Variants in TEN1 observed in about 807,000 individuals in gnomAD.
TEN1 encodes the protein TEN1 subunit of CST complex.
TEN1 carries 6 observed loss-of-function variants against 9.3 expected under a neutral mutation model. The ratio of observed to expected loss-of-function variants is 0.65; its 90% confidence interval spans 0.35 to 1.27. The LOEUF (loss-of-function observed/expected upper bound fraction) is 1.27, where lower values mean the gene tolerates loss of function less well. TEN1 is among the 50% of genes most tolerant of loss of function. TEN1 has a pLI of 0.03. For missense variants in TEN1, 149 were observed against 158.2 expected (o/e 0.94, Z 0.31); for synonymous variants, 65 against 65.6 (o/e 0.99, Z 0.04).
At chr17:75,991,889 G>C (rs2066187966) in intron 3 of TEN1, among the ~76,000 whole-genome samples, 1 of 151,894 alleles carries the variant, frequency 6.6e-6, no homozygotes, top group African/African-American at 2.4e-5. Context: ...CCTACTAAAA[G>C]TACAAAACTT....
intron 3 of TEN1, among the ~76,000 whole-genome samples, chr17:75,997,932 G>A (rs2066227094): frequency 6.6e-6 from 1 of 151,136 alleles, no homozygotes; most frequent in South Asian, 2.1e-4. Flanking sequence ...TCTGCTTACT[G>A]CAACCTCTGC....
chr17:75,993,394 C>T (rs1469314832), intron 3 of TEN1, among the ~76,000 whole-genome samples: 1 of 152,068 alleles, frequency 6.6e-6, no homozygotes, highest in Non-Finnish European at 1.5e-5. Context: ...TGAGCTACCG[C>T]GCCTGGCCTG....
chr17:75,991,497 G>C lies in TEN1; in HGVS notation c.124G>C (p.Val42Leu), dbSNP rs1481928740. 1.1e-5 allele frequency: 17 copies of C among 1,552,228 alleles called. No individual in the cohort carries two copies. The East Asian group carries it at 3.4e-4, about 31-fold the overall frequency. ...CCTCTATGACATGATTCAGTCCAGA[G>C]TAACACTGATGGCTCAGCACGGATC... The part of the protein sequence containing the change: ...LCLYDMIQSR[V>L]TLMAQHGSDQ... The change falls in exon 3 of 4, where the codon GTA becomes CTA. Residue 42 changes from valine (V) to leucine (L), a missense_variant. Val to Leu is a conservative substitution (Grantham distance 32). Coordinates refer to ENST00000397640, the MANE Select transcript of TEN1 (RefSeq NM_001113324.3).
rs563337383 is a variant in TEN1 at position 75,989,804 on chromosome 17, G to A, written c.93-1662G>A. 5.3e-5 allele frequency among the ~76,000 whole-genome samples: 8 copies of A among 151,142 alleles called. No homozygotes were observed. In the South Asian group the frequency reaches 1.3e-3, roughly 24 times the overall value. On this transcript the variant is annotated intron_variant, in intron 2 of 3. Transcript: ENST00000397640. ...AACTACTGGATATTGACACTGTGTC[G>A]CCCAGGCTGAAGTGCAAGTGACATG... is the stretch of plus-strand genomic sequence containing the variant.
Position 75,986,260 on chromosome 17 carries a change from G to A in TEN1, c.68G>A (p.Gly23Glu), listed in dbSNP as rs964588646. 3.9e-6 allele frequency: 6 copies of A among 1,548,946 alleles called. No homozygotes were observed. In the African/African-American group the frequency reaches 8.2e-5, roughly 21 times the overall value. The change falls in exon 2 of 4, where the codon GGG (glycine) becomes GAG (glutamate). Residue 23 changes from glycine (G) to glutamate (E), a missense_variant. Gly to Glu is a moderately conservative substitution (Grantham distance 98). Coordinates refer to ENST00000397640, the MANE Select transcript of TEN1 (RefSeq NM_001113324.3). Reference sequence around the variant, plus strand: ...GTTAGTGCAGGCCAAGTTCCTGATGGGAGCACGCTGAGAACATTTGGCAGG... The same window carrying A: ...GTTAGTGCAGGCCAAGTTCCTGATGAGAGCACGCTGAGAACATTTGGCAGG... ...WEVSAGQVPD[G>E]STLRTFGRLC...
intron 2 of TEN1, among the ~76,000 whole-genome samples, chr17:75,990,423 T>C (rs1337689294): frequency 6.6e-6 from 1 of 151,924 alleles, no homozygotes. Context: ...CACTGTGTCA[T>C]AGATTACAAG....
rs17881655 is a variant in TEN1, at chr17:76,000,354, G to A, written c.*92G>A. 3,203 of 1,447,968 alleles carry A rather than the reference G, an allele frequency of 2.2e-3. 67 individuals carry two copies. The African/African-American group carries it at 0.038, about 17-fold the overall frequency. The allele number at this position is 1,447,968 out of a possible 1,614,324, so 89.7% of individuals were successfully genotyped here. On this transcript the variant is annotated 3_prime_UTR_variant, in exon 4 of 4. Transcript: ENST00000397640. This position sits in a 1 kb window ranked among gnomAD's most constrained non-coding sequence, Gnocchi z 5.9. Reference sequence around the variant, plus strand: ...GGGAGAGCACAGACGCCTCCCCAGCGACGGCCTTGTCTGGAGCTCGAAAGC... The same window carrying A: ...GGGAGAGCACAGACGCCTCCCCAGCAACGGCCTTGTCTGGAGCTCGAAAGC...
chr17:75,985,292 A>T (rs1254390769), intron 1 of TEN1, among the ~76,000 whole-genome samples: 1 of 150,968 alleles, frequency 6.6e-6, no homozygotes, highest in Non-Finnish European at 1.5e-5. Flanking sequence ...ACTACAGGTG[A>T]GAGACACCAC....
intron 3 of TEN1, among the ~76,000 whole-genome samples, chr17:75,997,762 C>T (rs1013425836): frequency 2.0e-5 from 3 of 152,152 alleles, no homozygotes; most frequent in Non-Finnish European, 4.4e-5. Context: ...ATCTGTGCTC[C>T]GTATAACCCC....
chr17:75,993,383 G>A (rs1272972058), intron 3 of TEN1, among the ~76,000 whole-genome samples: 1 of 152,026 alleles, frequency 6.6e-6, no homozygotes, highest in African/African-American at 2.4e-5. Context: ...GATTACAAGC[G>A]TGAGCTACCG....
chr17:75,983,458 A>T (rs1289495905), intron 1 of TEN1, among the ~76,000 whole-genome samples: 1 of 152,144 alleles, frequency 6.6e-6, no homozygotes, highest in East Asian at 1.9e-4. Flanking sequence ...TAGTGAGCAC[A>T]CACTCGTGTA....
At chr17:75,997,298 G>C (rs1454718045) in intron 3 of TEN1, among the ~76,000 whole-genome samples, 1 of 152,074 alleles carries the variant, frequency 6.6e-6, no homozygotes, top group Non-Finnish European at 1.5e-5. Context: ...GATTTCAGGG[G>C]CTCACTGGCA....
chr17:75,984,949 G>C (rs753146867), intron 1 of TEN1: 2 of 152,248 alleles, frequency 1.3e-5, no homozygotes, highest in Non-Finnish European at 2.9e-5. Flanking sequence ...TGTTGATGAA[G>C]AGAGTCAAAT....
chr17:75,981,781 G>C (rs561089558), intron 1 of TEN1, among the ~76,000 whole-genome samples: 13 of 152,122 alleles, frequency 8.5e-5, no homozygotes, highest in Admixed American at 2.6e-4. Flanking sequence ...TATAATCCTG[G>C]CACTTTGGGA....
intron 1 of TEN1, among the ~76,000 whole-genome samples, chr17:75,982,982 G>T (rs76677174): frequency 1.3e-5 from 1 of 75,930 alleles, no homozygotes; most frequent in Admixed American, 1.4e-4. Flanking sequence ...AAAAAAAAAA[G>T]AAAGAAAAAA....
chr17:75,990,524 T>G (rs1025879913), intron 2 of TEN1, among the ~76,000 whole-genome samples: 1 of 151,386 alleles, frequency 6.6e-6, no homozygotes, highest in African/African-American at 2.4e-5. Flanking sequence ...TTTATAGCAT[T>G]TGTAGCCCAT....
chr17:75,986,881 G>GT (rs1373338482), intron 2 of TEN1, among the ~76,000 whole-genome samples: 5 of 152,004 alleles, frequency 3.3e-5, no homozygotes, highest in African/African-American at 1.2e-4. Flanking sequence ...ATATGTATGT[G>GT]TTTGTATATG....
At chr17:75,990,538 GA>G (rs951558668) in intron 2 of TEN1, among the ~76,000 whole-genome samples, 28 of 140,026 alleles carry the variant, frequency 2.0e-4, no homozygotes, top group Non-Finnish European at 2.3e-4. Context: ...AGCCCATATT[GA>G]AAAAAAAAAG....
At position 75,997,063 on chromosome 17, in the gene TEN1, C is replaced by T. The variant is rs140585672; in HGVS notation, c.251-3078C>T. On this transcript the variant is annotated intron_variant, in intron 3 of 3. Transcript: ENST00000397640. ...TTTTCCTGAAATTGCATGCCATCCA[C>T]TCTCCCTTCTACTTCTGCTGCGTCC... 1.3e-3 allele frequency among the ~76,000 whole-genome samples: 199 copies of T among 152,300 alleles called. 1 individual carries two copies. The highest frequency in any genetic ancestry group is 4.5e-3 in the African/African-American group (186 of 41,540).
Sources: allele counts gnomAD v4.1 joint callset (sites outside exome capture counted in the v4.1 genomes callset), GRCh38; gene constraint gnomAD v4.1.1; non-coding constraint Gnocchi (gnomAD v3.1); transcripts MANE v1.5; gene names NCBI Gene and HGNC (gene_info 2026-07-23, HGNC 2026-07-21).